SGCZ: variants seen among roughly 807,000 people sequenced by gnomAD.
SGCZ encodes the protein zeta-sarcoglycan.
Under a neutral mutation model 41.3 loss-of-function variants are expected in SGCZ, and 40 were observed. The ratio of observed to expected loss-of-function variants is 0.97; its 90% CI spans 0.75 to 1.26. SGCZ has a LOEUF of 1.26. SGCZ is among the 50% of genes most tolerant of loss of function. The probability of loss-of-function intolerance (pLI) is 0.00; values close to 1 mark genes in which losing one functional copy is unlikely to be tolerated. For missense variants in SGCZ, 552 were observed against 369.8 expected, an observed-to-expected ratio of 1.49 and a Z score of -4.04; for synonymous variants, 206 against 137.5, an observed-to-expected ratio of 1.50 and a Z score of -3.49.
intron 1 of SGCZ, among the ~76,000 whole-genome samples, chr8:14,761,620 C>T (rs548478844): frequency 2.6e-5 from 4 of 151,432 alleles, no homozygotes; most frequent in African/African-American, 9.7e-5. Context: ...CCTCCTCTTA[C>T]CTCCCGGATT....
intron 5 of SGCZ, among the ~76,000 whole-genome samples, chr8:14,126,559 T>C (rs1022758801): frequency 8.5e-5 from 13 of 152,196 alleles, no homozygotes; most frequent in African/African-American, 3.1e-4. Context: ...AGTGTAACAA[T>C]TGTGGCAGAC....
intron 1 of SGCZ, among the ~76,000 whole-genome samples, chr8:14,723,466 G>A (rs1206875758): frequency 6.6e-6 from 1 of 152,126 alleles, no homozygotes; most frequent in Non-Finnish European, 1.5e-5. Flanking sequence ...GGAGAACAGA[G>A]GGAGAGGAGG....
At chr8:14,594,257 C>T (rs1299331498) in intron 1 of SGCZ, among the ~76,000 whole-genome samples, 3 of 151,240 alleles carry the variant, frequency 2.0e-5, no homozygotes, top group East Asian at 1.9e-4. Context: ...GGCTGAACCC[C>T]GCCTCCCAAG....
intron 1 of SGCZ, among the ~76,000 whole-genome samples, chr8:14,803,390 G>C (rs1801396108): frequency 6.6e-6 from 1 of 152,126 alleles, no homozygotes; most frequent in Non-Finnish European, 1.5e-5. Context: ...GCAAGCCGAA[G>C]CAGGGTGAGG....
intron 2 of SGCZ, among the ~76,000 whole-genome samples, chr8:14,366,124 T>C (rs1803697912): frequency 6.6e-6 from 1 of 152,158 alleles, no homozygotes; most frequent in Non-Finnish European, 1.5e-5. Context: ...AAATCAATGA[T>C]GAATAAATGA....
chr8:15,098,022 T>G (rs891099939), intron 1 of SGCZ, among the ~76,000 whole-genome samples: 1 of 151,346 alleles, frequency 6.6e-6, no homozygotes, highest in African/African-American at 2.4e-5. Flanking sequence ...CTGGCTAACC[T>G]TGGGAATTAA....
intron 1 of SGCZ, among the ~76,000 whole-genome samples, chr8:15,007,434 T>G (rs984817735): frequency 6.6e-6 from 1 of 152,234 alleles, no homozygotes; most frequent in East Asian, 1.9e-4. Context: ...TCGAACTTTC[T>G]ACAAATAGTG....
intron 3 of SGCZ, among the ~76,000 whole-genome samples, chr8:14,264,898 G>A (rs993360122): frequency 5.9e-5 from 9 of 152,284 alleles, no homozygotes; most frequent in African/African-American, 1.9e-4. Context: ...GGGAGGCGGA[G>A]CTTGCAGTGA....
chr8:14,756,185 ATTTT>A (rs34700961), intron 1 of SGCZ, among the ~76,000 whole-genome samples: 1 of 136,142 alleles, frequency 7.3e-6, no homozygotes, highest in Admixed American at 7.6e-5. Context: ...GTAGAAGTAA[ATTTT>A]TTTTTTTTTT....
intron 1 of SGCZ, among the ~76,000 whole-genome samples, chr8:15,031,114 T>A (rs758148238): frequency 1.7e-4 from 26 of 152,006 alleles, no homozygotes; most frequent in Non-Finnish European, 3.4e-4. Flanking sequence ...TAGAACAGAG[T>A]TTCATAAAAC....
At chr8:14,781,119 G>C (rs186997117) in intron 1 of SGCZ, among the ~76,000 whole-genome samples, 2 of 152,136 alleles carry the variant, frequency 1.3e-5, no homozygotes, top group Non-Finnish European at 2.9e-5. Flanking sequence ...ATCATATTAC[G>C]TACTAATTAG....
At chr8:14,113,826 T>A (rs1451921849) in intron 5 of SGCZ, among the ~76,000 whole-genome samples, 1 of 152,048 alleles carries the variant, frequency 6.6e-6, no homozygotes, top group African/African-American at 2.4e-5. Context: ...GATTTACTGC[T>A]TAGCAGTTGT....
intron 1 of SGCZ, among the ~76,000 whole-genome samples, chr8:15,057,375 A>G (rs114905685): frequency 8.0e-4 from 122 of 152,278 alleles, no homozygotes; most frequent in African/African-American, 2.6e-3. Context: ...TTGTCATTGA[A>G]ACACACAAAC....
At chr8:15,024,589 A>G (rs1307988126) in intron 1 of SGCZ, among the ~76,000 whole-genome samples, 1 of 152,186 alleles carries the variant, frequency 6.6e-6, no homozygotes, top group Non-Finnish European at 1.5e-5. Context: ...AAGAAAAAGT[A>G]GAGCAGTGTA....
chr8:14,128,304 T>C (rs1326652816), intron 5 of SGCZ, among the ~76,000 whole-genome samples: 1 of 152,078 alleles, frequency 6.6e-6, no homozygotes, highest in Non-Finnish European at 1.5e-5. Flanking sequence ...GTTGAAAAAA[T>C]GCTAAATGTC....
chr8:14,335,721 T>C (rs1240507226), intron 2 of SGCZ, among the ~76,000 whole-genome samples: 1 of 152,050 alleles, frequency 6.6e-6, no homozygotes, highest in Non-Finnish European at 1.5e-5. Flanking sequence ...TGAAGATATC[T>C]TCCATACAAG....
At chr8:14,173,597 A>G (rs1430321652) in intron 4 of SGCZ, among the ~76,000 whole-genome samples, 1 of 152,092 alleles carries the variant, frequency 6.6e-6, no homozygotes, top group Non-Finnish European at 1.5e-5. Context: ...AAGACTAGGA[A>G]AAGCATAAAT....
At chr8:14,241,685 C>A (rs1462894036) in intron 3 of SGCZ, among the ~76,000 whole-genome samples, 1 of 151,896 alleles carries the variant, frequency 6.6e-6, no homozygotes, top group African/African-American at 2.4e-5. Context: ...GAGGACATAT[C>A]CGCCTTCTTA....
chr8:14,508,971 G>C (rs928808139), intron 2 of SGCZ, among the ~76,000 whole-genome samples: 1 of 152,008 alleles, frequency 6.6e-6, no homozygotes, highest in African/African-American at 2.4e-5. Flanking sequence ...TGATTTACTG[G>C]AAACAAATTA....
Sources: allele counts gnomAD v4.1 joint callset (sites outside exome capture counted in the v4.1 genomes callset), GRCh38; gene constraint gnomAD v4.1.1; transcripts MANE v1.5; gene names NCBI Gene and HGNC (gene_info 2026-07-23, HGNC 2026-07-21).